SLC9A9: variants seen among roughly 807,000 people sequenced by gnomAD.
SLC9A9 encodes the protein solute carrier family 9 member A9.
SLC9A9 carries 62 observed loss-of-function variants against 77.8 expected under a neutral mutation model. The observed-to-expected ratio is 0.80, with a 90% CI of 0.65 to 0.98. SLC9A9 has a LOEUF of 0.98. Among genes scored for constraint, SLC9A9 ranks in the 50% least tolerant of loss-of-function variants. The pLI is 0.00. For missense variants in SLC9A9, 775 were observed against 774.9 expected (o/e 1.00, Z 0.00); for synonymous variants, 320 against 283.5 (o/e 1.13, Z -1.29).
At chr3:143,526,774 G>A (rs1250229464) in intron 9 of SLC9A9, among the ~76,000 whole-genome samples, 2 of 152,212 alleles carry the variant, frequency 1.3e-5, no homozygotes, top group Non-Finnish European at 2.9e-5. Flanking sequence ...AGATATTAAT[G>A]TAGACAGTCT....
intron 2 of SLC9A9, among the ~76,000 whole-genome samples, chr3:143,815,432 T>C (rs577857975): frequency 2.0e-5 from 3 of 152,228 alleles, no homozygotes; most frequent in Admixed American, 1.3e-4. Context: ...TAATGGAAAG[T>C]GGGGACTATT....
intron 6 of SLC9A9, among the ~76,000 whole-genome samples, chr3:143,614,915 A>G (rs1184304183): frequency 6.6e-6 from 1 of 152,232 alleles, no homozygotes; most frequent in African/African-American, 2.4e-5. Context: ...TGTCATGTTC[A>G]GAGTTCTTCA....
At chr3:143,834,979 C>A (rs148671150) in intron 1 of SLC9A9, among the ~76,000 whole-genome samples, 1 of 152,124 alleles carries the variant, frequency 6.6e-6, no homozygotes, top group Non-Finnish European at 1.5e-5. Context: ...GGCTCCCAGC[C>A]GATGACTGAA....
intron 12 of SLC9A9, 86 bp from the exon 13 acceptor site, chr3:143,382,200 C>A (rs2033321694): frequency 7.4e-7 from 1 of 1,359,118 alleles, no homozygotes; most frequent in Non-Finnish European, 1.1e-6. Context: ...AACCCAAACA[C>A]AATGTGAATC....
At chr3:143,542,734 C>G (rs1173016695) in intron 9 of SLC9A9, among the ~76,000 whole-genome samples, 1 of 152,196 alleles carries the variant, frequency 6.6e-6, no homozygotes, top group Non-Finnish European at 1.5e-5. Flanking sequence ...ATTCTCTTCT[C>G]TATTTTTTAT....
chr3:143,337,270 C>T (rs1354418256), intron 14 of SLC9A9, among the ~76,000 whole-genome samples: 1 of 152,066 alleles, frequency 6.6e-6, no homozygotes, highest in East Asian at 1.9e-4. Context: ...CCTTCCACCC[C>T]CCACCCTCAT....
At chr3:143,525,203 GA>G (rs2036384446) in intron 9 of SLC9A9, among the ~76,000 whole-genome samples, 1 of 151,090 alleles carries the variant, frequency 6.6e-6, no homozygotes, top group African/African-American at 2.4e-5. Flanking sequence ...ATCTTTTTTA[GA>G]CTTATGTTAA....
chr3:143,837,467 T>A (rs537846435), intron 1 of SLC9A9, among the ~76,000 whole-genome samples: 1 of 152,214 alleles, frequency 6.6e-6, no homozygotes, highest in Admixed American at 6.5e-5. Flanking sequence ...CTACCAAGAA[T>A]AATCTAGATT....
At chr3:143,561,710 A>G (rs960317154) in intron 8 of SLC9A9, among the ~76,000 whole-genome samples, 5 of 152,232 alleles carry the variant, frequency 3.3e-5, no homozygotes, top group Admixed American at 3.3e-4. Flanking sequence ...ATATAATGCA[A>G]TATGATGGAT....
intron 12 of SLC9A9, among the ~76,000 whole-genome samples, chr3:143,424,611 G>T (rs909707717): frequency 6.6e-6 from 1 of 152,096 alleles, no homozygotes; most frequent in African/African-American, 2.4e-5. Flanking sequence ...TGATCCATCT[G>T]CCTCGGCCTC....
At chr3:143,525,268 A>G (rs2036385541) in intron 9 of SLC9A9, among the ~76,000 whole-genome samples, 1 of 152,226 alleles carries the variant, frequency 6.6e-6, no homozygotes, top group Non-Finnish European at 1.5e-5. Flanking sequence ...CAGATCAACT[A>G]TGAAAAGACC....
intron 6 of SLC9A9, among the ~76,000 whole-genome samples, chr3:143,579,531 C>T (rs1416022802): frequency 2.0e-5 from 3 of 152,238 alleles, no homozygotes; most frequent in African/African-American, 7.2e-5. Flanking sequence ...GAAATATGAA[C>T]TCCATATTGA....
At chr3:143,679,559 G>A (rs903092258) in intron 5 of SLC9A9, among the ~76,000 whole-genome samples, 1 of 152,172 alleles carries the variant, frequency 6.6e-6, no homozygotes, top group Non-Finnish European at 1.5e-5. Context: ...TGCCAGTAGT[G>A]CATTCCCCCA....
intron 14 of SLC9A9, among the ~76,000 whole-genome samples, chr3:143,299,091 C>T (rs528784304): frequency 1.3e-5 from 2 of 152,240 alleles, no homozygotes; most frequent in South Asian, 4.1e-4. Flanking sequence ...TCTCCTTTCT[C>T]TTTCTGATGT....
chr3:143,762,537 T>A (rs1427969717), intron 4 of SLC9A9, among the ~76,000 whole-genome samples: 1 of 152,188 alleles, frequency 6.6e-6, no homozygotes, highest in Non-Finnish European at 1.5e-5. Context: ...TGTAATGGGT[T>A]GTTTTAGTAG....
intron 6 of SLC9A9, among the ~76,000 whole-genome samples, chr3:143,643,370 TA>T (rs1026358079): frequency 4.6e-5 from 7 of 152,274 alleles, no homozygotes; most frequent in Admixed American, 2.0e-4. Flanking sequence ...AAGGCTGCTC[TA>T]CACAGTCTAT....
At chr3:143,603,260 A>G (rs969805853) in intron 6 of SLC9A9, among the ~76,000 whole-genome samples, 2 of 152,224 alleles carry the variant, frequency 1.3e-5, no homozygotes, top group Non-Finnish European at 2.9e-5. Context: ...CATCTAAAGT[A>G]TGTGAGATCC....
At chr3:143,673,893 T>C (rs2039196600) in intron 5 of SLC9A9, among the ~76,000 whole-genome samples, 1 of 152,086 alleles carries the variant, frequency 6.6e-6, no homozygotes, top group Non-Finnish European at 1.5e-5. Flanking sequence ...ACATTTGAGA[T>C]TTACCGTGGA....
At chr3:143,717,454 A>C (rs1576678821) in intron 4 of SLC9A9, among the ~76,000 whole-genome samples, 2 of 152,358 alleles carry the variant, frequency 1.3e-5, no homozygotes, top group Middle Eastern at 6.8e-3. Context: ...CGTGGCTGAC[A>C]ATAAACAGAT....
Sources: gnomAD v4.1 joint callset for allele counts (sites outside exome capture counted in the v4.1 genomes callset) on GRCh38, gnomAD v4.1.1 for gene constraint, MANE v1.5 for transcripts, NCBI Gene and HGNC (gene_info 2026-07-23, HGNC 2026-07-21) for gene names.